Variants in TMEM117 observed in about 807,000 individuals in gnomAD.
TMEM117 encodes transmembrane protein 117.
TMEM117 carries 27 observed loss-of-function variants against 52.4 expected under a neutral mutation model. The ratio of observed to expected loss-of-function variants is 0.51; its 90% CI spans 0.38 to 0.71. The LOEUF is 0.71. Among genes scored for constraint, TMEM117 ranks in the 30% least tolerant of loss-of-function variants. The pLI is 0.00. For missense variants in TMEM117, 556 were observed against 630.5 expected (o/e 0.88, Z 1.26); for synonymous variants, 215 against 206.3 (o/e 1.04, Z -0.36).
At chr12:43,892,442 GC>G (rs1301228295) in intron 2 of TMEM117, among the ~76,000 whole-genome samples, 1 of 152,166 alleles carries the variant, frequency 6.6e-6, no homozygotes, top group African/African-American at 2.4e-5. Flanking sequence ...TTCAGGGTAA[GC>G]CATATCGTTT....
chr12:44,388,812 T>C lies in TMEM117; in HGVS notation c.*140T>C. ...AATGCCACAACGGTGCTCAACATGCTTTTTCTAGGATTCATTGTTTTCTAT... is the reference window on the plus strand; with the variant it reads ...AATGCCACAACGGTGCTCAACATGCCTTTTCTAGGATTCATTGTTTTCTAT... On this transcript the variant is annotated 3_prime_UTR_variant, in exon 8 of 8. Transcript: ENST00000266534. 1 of 888,822 alleles carries C rather than the reference T, an allele frequency of 1.1e-6. No homozygotes were observed. Among genetic ancestry groups the C allele is most frequent in the Non-Finnish European group, 1.7e-6 (1 of 590,702 alleles). 55.1% of individuals were successfully genotyped at this position (888,822 alleles called of 1,614,324 possible).
At chr12:44,384,201 C>G (rs1485886925) in intron 7 of TMEM117, among the ~76,000 whole-genome samples, 2 of 152,208 alleles carry the variant, frequency 1.3e-5, no homozygotes, top group Non-Finnish European at 2.9e-5. Flanking sequence ...GATGAACATC[C>G]TTCCTCTGTA....
intron 4 of TMEM117, among the ~76,000 whole-genome samples, chr12:44,172,799 A>G (rs1391152652): frequency 6.6e-6 from 1 of 152,124 alleles, no homozygotes; most frequent in Non-Finnish European, 1.5e-5. Flanking sequence ...ATCTCAGCTC[A>G]CTGCAACCTC....
intron 4 of TMEM117, among the ~76,000 whole-genome samples, chr12:44,158,348 A>C (rs564163159): frequency 1.2e-4 from 19 of 152,302 alleles, no homozygotes; most frequent in Non-Finnish European, 2.5e-4. Context: ...TTAATTCGAA[A>C]GTTTTGACAA....
intron 4 of TMEM117, among the ~76,000 whole-genome samples, chr12:44,183,118 C>T (rs1050204156): frequency 1.3e-5 from 2 of 151,918 alleles, no homozygotes; most frequent in African/African-American, 2.4e-5. Flanking sequence ...AAAAAATTGC[C>T]AATAATCCTC....
chr12:43,940,128 A>G (rs1047988432), intron 2 of TMEM117, among the ~76,000 whole-genome samples: 2 of 152,212 alleles, frequency 1.3e-5, no homozygotes, highest in Admixed American at 6.5e-5. Context: ...GCCTTGACCA[A>G]CATTCATGTA....
chr12:44,064,407 G>A (rs1947189360), intron 3 of TMEM117, among the ~76,000 whole-genome samples: 1 of 152,126 alleles, frequency 6.6e-6, no homozygotes, highest in Non-Finnish European at 1.5e-5. Flanking sequence ...ATAAAGTTTA[G>A]GGATTGCAAT....
chr12:43,833,631 TA>T (rs999799680), upstream of TMEM117, among the ~76,000 whole-genome samples: 4 of 151,646 alleles, frequency 2.6e-5, no homozygotes, highest in East Asian at 7.8e-4. Context: ...TCTACAGAAT[TA>T]AAAAAAATTA....
chr12:43,911,861 G>A (rs1289185019), intron 2 of TMEM117, among the ~76,000 whole-genome samples: 2 of 151,294 alleles, frequency 1.3e-5, no homozygotes, highest in Non-Finnish European at 2.9e-5. Context: ...GTGCTGGAGA[G>A]GCTGTGGAGA....
chr12:44,343,717 G>A (rs2138758307), intron 6 of TMEM117, among the ~76,000 whole-genome samples: 1 of 152,192 alleles, frequency 6.6e-6, no homozygotes, highest in Non-Finnish European at 1.5e-5. Context: ...ATGGTAAATT[G>A]TATGTTGTGT....
chr12:44,199,863 A>G (rs1374805318), intron 4 of TMEM117, among the ~76,000 whole-genome samples: 1 of 152,198 alleles, frequency 6.6e-6, no homozygotes, highest in East Asian at 1.9e-4. Flanking sequence ...CACGCCTGTA[A>G]TACCAGCACA....
intron 5 of TMEM117, among the ~76,000 whole-genome samples, chr12:44,273,395 G>T (rs542278003): frequency 6.6e-6 from 1 of 151,120 alleles, no homozygotes; most frequent in Admixed American, 6.6e-5. Flanking sequence ...TATTTAAAAA[G>T]AACTAATACC....
intron 3 of TMEM117, among the ~76,000 whole-genome samples, chr12:44,011,936 G>T (rs1404190344): frequency 6.6e-6 from 1 of 152,174 alleles, no homozygotes; most frequent in Non-Finnish European, 1.5e-5. Flanking sequence ...TCCCAGGAGG[G>T]ATGGAATGGG....
At chr12:44,053,949 T>C (rs1947012949) in intron 3 of TMEM117, among the ~76,000 whole-genome samples, 1 of 152,192 alleles carries the variant, frequency 6.6e-6, no homozygotes, top group African/African-American at 2.4e-5. Flanking sequence ...CAAATACAAC[T>C]TTTAAATTTG....
chr12:44,015,383 A>G (rs1168483062), intron 3 of TMEM117, among the ~76,000 whole-genome samples: 1 of 152,186 alleles, frequency 6.6e-6, no homozygotes, highest in Non-Finnish European at 1.5e-5. Flanking sequence ...TCTATAATAT[A>G]CTCAAATAAG....
intron 3 of TMEM117, among the ~76,000 whole-genome samples, chr12:44,125,113 T>A (rs959471315): frequency 6.7e-6 from 1 of 150,230 alleles, no homozygotes; most frequent in African/African-American, 2.4e-5. Context: ...ATGGGATTAA[T>A]TTTTTTTTTG....
chr12:44,297,029 C>CT (rs1436043715), intron 5 of TMEM117, among the ~76,000 whole-genome samples: 1 of 152,132 alleles, frequency 6.6e-6, no homozygotes, highest in South Asian at 2.1e-4. Context: ...GAAAAAGGCA[C>CT]TTTTTTCCAT....
At chr12:44,392,951 C>T (rs1462500031), downstream of TMEM117, among the ~76,000 whole-genome samples, 5 of 151,936 alleles carry the variant, frequency 3.3e-5, no homozygotes, top group African/African-American at 9.7e-5. Flanking sequence ...AACATCAGGG[C>T]AAATTTGGCT....
chr12:44,226,564 T>TC (rs1037596584), intron 5 of TMEM117, among the ~76,000 whole-genome samples: 12 of 151,954 alleles, frequency 7.9e-5, no homozygotes, highest in African/African-American at 2.7e-4. Context: ...TGAATTTATA[T>TC]CCCCCAAATT....
Sources: gnomAD v4.1 joint callset for allele counts (sites outside exome capture counted in the v4.1 genomes callset) on GRCh38, gnomAD v4.1.1 for gene constraint, MANE v1.5 for transcripts, NCBI Gene and HGNC (gene_info 2026-07-23, HGNC 2026-07-21) for gene names.